Variants in IL1RL2 observed in about 807,000 individuals in gnomAD.
The protein encoded by IL1RL2 is interleukin 1 receptor like 2, also known as interleukin-1 receptor-like 2.
IL1RL2 carries 68 observed loss-of-function variants against 66.8 expected under a neutral mutation model. That is an observed-to-expected ratio of 1.02 (90% CI 0.84 to 1.25). The LOEUF is 1.25. Among genes scored for constraint, IL1RL2 ranks in the 50% most tolerant of loss-of-function variants. The pLI is 0.00. For missense variants in IL1RL2, 729 were observed against 709.3 expected (o/e 1.03, Z -0.32); for synonymous variants, 305 against 264.6 (o/e 1.15, Z -1.48).
chr2:102,223,783 C>T (rs902909471), intron 8 of IL1RL2, among the ~76,000 whole-genome samples: 9 of 152,100 alleles, frequency 5.9e-5, no homozygotes, highest in Non-Finnish European at 7.3e-5. Flanking sequence ...TTCCCAGACA[C>T]GAGTCGTCCC....
At chr2:102,208,240 T>C (rs1160209334) in intron 5 of IL1RL2, among the ~76,000 whole-genome samples, 3 of 152,100 alleles carry the variant, frequency 2.0e-5, no homozygotes, top group Admixed American at 2.0e-4. Context: ...TCTGTGTAGA[T>C]GGTTGTTAAC....
chr2:102,233,259 TG>T (rs1691307193), intron 10 of IL1RL2, 135 bp downstream of exon 10: 1 of 844,320 alleles, frequency 1.2e-6, no homozygotes, highest in Non-Finnish European at 1.8e-6. Flanking sequence ...CAGCGCCCCC[TG>T]CCCGTCAGCC....
In IL1RL2 at chr2:102,219,945, A is replaced by T. The variant is rs751284150; in HGVS notation, c.919A>T (p.Met307Leu). ...TVNITFLEVK[M>L]EDYGLPFMCH... ...AAACATCACCTTCTTGGAAGTGAAA[A>T]TGGAAGATTATGGCCTTCCTTTCAT... The change falls in exon 8 of 12, where the codon ATG becomes TTG. Residue 307 changes from methionine to leucine, a missense_variant. Met to Leu is a conservative substitution (Grantham distance 15). Transcript: ENST00000264257. 2.0e-5 allele frequency: 32 copies of T among 1,613,680 alleles called. No homozygotes were observed. The highest frequency in any genetic ancestry group is 2.7e-5 in the Non-Finnish European group (32 of 1,179,742).
chr2:102,215,059 G>A (rs960447229), intron 6 of IL1RL2, among the ~76,000 whole-genome samples: 2 of 145,046 alleles, frequency 1.4e-5, no homozygotes, highest in Non-Finnish European at 3.0e-5. Flanking sequence ...ACTTCTCTTT[G>A]CAGGGAAAAG....
Position 102,235,197 on chromosome 2 carries a change from G to GAT in IL1RL2, c.1600_1601dup (p.His535ThrfsTer30). ...AAGACCAAGTTTTGGAAGACAGTGA[G>GAT]ATACCACATGCCGCCCAGAAGGTGT... On this transcript the variant is annotated frameshift_variant, in exon 11 of 12. Coordinates refer to ENST00000264257, the MANE Select transcript of IL1RL2 (RefSeq NM_003854.4). LOFTEE classifies it high-confidence loss of function. 1 of 1,614,216 alleles carries GAT rather than the reference G, an allele frequency of 6.2e-7. No homozygotes were observed. Among genetic ancestry groups the GAT allele is most frequent in the Non-Finnish European group, 8.5e-7 (1 of 1,180,048 alleles).
rs911374734 is a variant in IL1RL2, at chr2:102,236,387, C to T, written c.1678+1110C>T. Among the ~76,000 whole-genome samples, 3 of 152,026 alleles carry T rather than the reference C, an allele frequency of 2.0e-5. No individual in the cohort carries two copies. In the East Asian group the frequency reaches 5.8e-4, roughly 29 times the overall value. On this transcript the variant is annotated intron_variant, in intron 11 of 11. Coordinates refer to ENST00000264257, the MANE Select transcript of IL1RL2 (RefSeq NM_003854.4). ...CAGGGTGGGTTAGGAGGTGCTGTGC[C>T]CTCGTTCACAGGCGATGGGTGGTAC...
chr2:102,193,596 C>T (rs1687418183), intron 4 of IL1RL2, among the ~76,000 whole-genome samples: 1 of 152,166 alleles, frequency 6.6e-6, no homozygotes, highest in African/African-American at 2.4e-5. Flanking sequence ...AAGTGGTCCT[C>T]AGGCCTTGGC....
downstream of IL1RL2, among the ~76,000 whole-genome samples, chr2:102,242,477 C>A (rs1238952214): frequency 6.6e-6 from 1 of 152,140 alleles, no homozygotes; most frequent in African/African-American, 2.4e-5. Context: ...TGAAATATTT[C>A]TTTAGTTGGA....
chr2:102,224,917 C>A (rs1394867807), intron 8 of IL1RL2, among the ~76,000 whole-genome samples: 2 of 151,952 alleles, frequency 1.3e-5, no homozygotes, highest in South Asian at 4.1e-4. Context: ...AAAAAAAAAC[C>A]CTCTTCCTCC....
chr2:102,196,526 T>A (rs957179665), intron 4 of IL1RL2, among the ~76,000 whole-genome samples: 1 of 152,224 alleles, frequency 6.6e-6, no homozygotes, highest in Non-Finnish European at 1.5e-5. Context: ...CCAAGGGATG[T>A]CATATGTCTT....
intron 4 of IL1RL2, among the ~76,000 whole-genome samples, chr2:102,201,228 C>T (rs114816450): frequency 6.6e-6 from 1 of 152,116 alleles, no homozygotes; most frequent in Non-Finnish European, 1.5e-5. Flanking sequence ...AGGCCACTCT[C>T]CTCTCAAGTC....
intron 3 of IL1RL2, 65 bp from the exon 4 acceptor site, chr2:102,191,860 G>A (rs1018714980): frequency 8.9e-7 from 1 of 1,120,354 alleles, no homozygotes; most frequent in Non-Finnish European, 1.3e-6. Context: ...ATTTGAAAAT[G>A]AGTGGAATTA....
At position 102,235,011 on chromosome 2, in the gene IL1RL2, C is replaced by G; in HGVS notation, c.1412C>G (p.Ala471Gly). 1 of 1,614,130 alleles carries G rather than the reference C, an allele frequency of 6.2e-7. No individual in the cohort carries two copies. The highest frequency in any genetic ancestry group is 8.5e-7 in the Non-Finnish European group (1 of 1,180,028). ...AAGAACCTGTCAGAAGAACAAATCG[C>G]GGTCTACAGTGCCCTGATCCAGGAC... The part of the protein sequence containing the change: ...LLKNLSEEQI[A>G]VYSALIQDGM... Residue 471 changes from alanine (A) to glycine (G), a missense_variant, in exon 11 of 12, where the codon GCG becomes GGG. Ala to Gly is a moderately conservative substitution (Grantham distance 60). Transcript: ENST00000264257.
At chr2:102,195,599 TTCTTTCTTTC>T (rs1687635978) in intron 4 of IL1RL2, among the ~76,000 whole-genome samples, 2 of 18,062 alleles carry the variant, frequency 1.1e-4, no homozygotes, top group African/African-American at 3.2e-4. Context: ...CTTTCTTTCT[TTCTTTCTTTC>T]TTTCTTTCTT....
At chr2:102,199,684 A>G (rs1231311273) in intron 4 of IL1RL2, among the ~76,000 whole-genome samples, 1 of 152,234 alleles carries the variant, frequency 6.6e-6, no homozygotes, top group Non-Finnish European at 1.5e-5. Context: ...CCTCAGCTGC[A>G]AGGCTGAACT....
intron 5 of IL1RL2, among the ~76,000 whole-genome samples, chr2:102,203,672 C>A (rs954353601): frequency 9.9e-5 from 15 of 152,024 alleles, no homozygotes; most frequent in Non-Finnish European, 2.1e-4. Flanking sequence ...TTGCCCATTT[C>A]TTCTAGAGGG....
chr2:102,220,088 C>CATTTAG, intron 8 of IL1RL2, 71 bp downstream of exon 8: 2 of 1,402,070 alleles, frequency 1.4e-6, no homozygotes, highest in Non-Finnish European at 1.9e-6. Context: ...TCTGAAGGAG[C>CATTTAG]AGTGACTCTA....
chr2:102,214,445 C>T (rs1689433896), intron 6 of IL1RL2, among the ~76,000 whole-genome samples: 2 of 151,962 alleles, frequency 1.3e-5, no homozygotes, highest in Admixed American at 6.5e-5. Context: ...AATTGCAATA[C>T]AAGAAATAAA....
chr2:102,206,755 G>T (rs1006730023), intron 5 of IL1RL2, among the ~76,000 whole-genome samples: 2 of 152,080 alleles, frequency 1.3e-5, no homozygotes, highest in African/African-American at 2.4e-5. Context: ...TTTGCTTTAG[G>T]CCCTGGTGCT....
Sources: gnomAD v4.1 joint callset for allele counts (sites outside exome capture counted in the v4.1 genomes callset) on GRCh38, gnomAD v4.1.1 for gene constraint, MANE v1.5 for transcripts, NCBI Gene and HGNC (gene_info 2026-07-23, HGNC 2026-07-21) for gene names.